Variants in CHD7 observed in about 807,000 individuals in gnomAD.
CHD7 encodes the protein chromodomain helicase DNA binding protein 7, also known as ATP-dependent chromatin remodeler CHD7.
In CHD7, 24 loss-of-function variants were observed where a neutral mutation model predicts 307.3. The observed-to-expected ratio is 0.08, with a 90% CI of 0.06 to 0.11. The LOEUF (loss-of-function observed/expected upper bound fraction) is 0.11, where lower values mean the gene tolerates loss of function less well. Ranked by LOEUF, CHD7 falls within the 10% of genes least tolerant of loss-of-function variation. The pLI, the probability that CHD7 is intolerant of heterozygous loss-of-function variation, is 1.00. For synonymous variants in CHD7, 1,363 were observed against 1,349.9 expected (o/e 1.01, Z -0.21); for missense variants, 3,106 against 3,727.1 (o/e 0.83, Z 4.34).
intron 2 of CHD7, among the ~76,000 whole-genome samples, chr8:60,755,670 T>C (rs1809856246): frequency 6.6e-6 from 1 of 152,182 alleles, no homozygotes; most frequent in Non-Finnish European, 1.5e-5. Flanking sequence ...ATGTATTTTA[T>C]TGAATTGTAA....
intron 15 of CHD7, among the ~76,000 whole-genome samples, chr8:60,834,279 T>C (rs1450607103): frequency 6.6e-6 from 1 of 152,222 alleles, no homozygotes; most frequent in African/African-American, 2.4e-5. Flanking sequence ...TTTAAATGGC[T>C]AAAATACTAT....
At chr8:60,849,853 A>G (rs779152420) in intron 25 of CHD7, among the ~76,000 whole-genome samples, 60 of 152,186 alleles carry the variant, frequency 3.9e-4, no homozygotes, top group Non-Finnish European at 7.8e-4. Context: ...TGTTCTGCCT[A>G]TGTACTGCAG....
intron 2 of CHD7, among the ~76,000 whole-genome samples, chr8:60,768,009 G>C (rs906571196): frequency 3.9e-5 from 6 of 152,170 alleles, no homozygotes; most frequent in Non-Finnish European, 8.8e-5. Flanking sequence ...TATGGGAAAA[G>C]TAAATTGTAT....
intron 1 of CHD7, among the ~76,000 whole-genome samples, chr8:60,714,634 C>T (rs1251137727): frequency 1.3e-5 from 2 of 152,192 alleles, no homozygotes; most frequent in African/African-American, 2.4e-5. Flanking sequence ...CTTTCTTGGC[C>T]TCAGGTGCTG....
rs529569041 is a variant in CHD7 at position 60,700,959 on chromosome 8, T to C, written c.-175+21877T>C. Among the ~76,000 whole-genome samples the C allele has an allele frequency of 1.6e-4, 25 of 152,294 alleles. No homozygotes were observed. In the East Asian group the frequency reaches 4.8e-3, roughly 29 times the overall value. On this transcript the variant is annotated intron_variant, in intron 1 of 37. Coordinates refer to ENST00000423902, the MANE Select transcript of CHD7 (RefSeq NM_017780.4). ...CTGCTCACAGAGCACAGGCTGCTCA[T>C]TTGAATTCTGTCTCAGGTTTTGAGC...
intron 1 of CHD7, among the ~76,000 whole-genome samples, chr8:60,717,033 C>CT (rs57809302): frequency 4.9e-4 from 66 of 134,968 alleles, no homozygotes; most frequent in African/African-American, 8.9e-4. Context: ...TACCTTAAGC[C>CT]TTTTTTTTTT....
At chr8:60,801,657 T>A in intron 6 of CHD7, 64 bp downstream of exon 6, 1 of 1,055,208 alleles carries the variant, frequency 9.5e-7, no homozygotes, top group Non-Finnish European at 1.4e-6. Context: ...ATTGTTGGCT[T>A]TGTAATTTTC....
At chr8:60,783,309 A>G (rs1245679107) in intron 3 of CHD7, among the ~76,000 whole-genome samples, 2 of 152,196 alleles carry the variant, frequency 1.3e-5, no homozygotes, top group Non-Finnish European at 2.9e-5. Context: ...AAATTTGTTA[A>G]AATTTTCCCA....
chr8:60,864,974 C>T (rs775002402), intron 37 of CHD7, 42 bp from the exon 38 acceptor site: 6 of 1,530,602 alleles, frequency 3.9e-6, no homozygotes, highest in Non-Finnish European at 5.3e-6. Context: ...AAGTTGTCTT[C>T]GACAGCCTTT....
intron 4 of CHD7, among the ~76,000 whole-genome samples, chr8:60,795,410 T>C (rs997412303): frequency 4.6e-5 from 7 of 152,208 alleles, no homozygotes. Flanking sequence ...TTTTGCTGTT[T>C]ATGTTATTAA....
Position 60,781,237 on chromosome 8 carries a change from G to C in CHD7, c.1903G>C (p.Asp635His). The change falls in exon 3 of 38, where the codon GAT becomes CAT. Residue 635 changes from aspartate to histidine, a missense_variant. Physicochemically the swap from Asp to His is moderately conservative, Grantham distance 81 (BLOSUM62 -1). Transcript: ENST00000423902. ...DNQELNRNSL[D>H]GSQEEKKKKK... ...CCAAGAACTAAATAGGAACTCACTG[G>C]ATGGGTCCCAAGAAGAAAAAAAGAA... is the stretch of plus-strand genomic sequence containing the variant. 1 of 1,584,778 alleles carries C rather than the reference G, an allele frequency of 6.3e-7. No individual in the cohort carries two copies. Among genetic ancestry groups the C allele is most frequent in the Non-Finnish European group, 8.6e-7 (1 of 1,165,096 alleles).
intron 1 of CHD7, among the ~76,000 whole-genome samples, chr8:60,694,137 C>A (rs1380529231): frequency 6.6e-6 from 1 of 152,216 alleles, no homozygotes; most frequent in Non-Finnish European, 1.5e-5. Context: ...CTCTAAAGAG[C>A]GAATGGCAAT....
chr8:60,742,898 A>C lies in CHD7; in HGVS notation c.1466A>C (p.Gln489Pro), dbSNP rs1809127222. The change falls in exon 2 of 38, where the codon CAA becomes CCA. Residue 489 changes from glutamine (Q) to proline (P), a missense_variant. Around this residue, in one of 10 missense-constraint regions of CHD7, gnomAD observed 998 missense variants for 1,004.5 expected, o/e 0.99. Transcript: ENST00000423902. ...GCPGVGLGDP[Q>P]AIQERLIPGQ... ...CCTGGTGTTGGCCTTGGAGACCCAC[A>C]AGCAATCCAGGAACGACTGATACCT... 1 of 1,612,478 alleles carries C rather than the reference A, an allele frequency of 6.2e-7. No homozygotes were observed. Among genetic ancestry groups the C allele is most frequent in the Admixed American group, 1.7e-5 (1 of 59,748 alleles).
intron 1 of CHD7, among the ~76,000 whole-genome samples, chr8:60,724,816 C>T (rs747720960): frequency 6.6e-6 from 1 of 152,022 alleles, no homozygotes; most frequent in Non-Finnish European, 1.5e-5. Context: ...TTAATAAAGG[C>T]CAATAAAAAC....
In CHD7 at chr8:60,761,570, A is replaced by C. The variant is rs139968410; in HGVS notation, c.1665+18473A>C. 3.3e-3 allele frequency among the ~76,000 whole-genome samples: 502 copies of C among 151,932 alleles called. 13 individuals carry two copies. The South Asian group carries it at 0.042, about 13-fold the overall frequency. On this transcript the variant is annotated intron_variant, in intron 2 of 37. Transcript: ENST00000423902. ...AGGGTACATGGGAACTCAAATTCAT[A>C]ATCAGACCATGTTTGGTGCGAATAG... is the stretch of plus-strand genomic sequence containing the variant.
chr8:60,852,007 C>G lies in CHD7; in HGVS notation c.5666-12C>G, dbSNP rs1805475202. The stretch of plus-strand genomic sequence containing the variant: ...AGCTACACATTTCAAAAATGTTTTT[C>G]CACTTCCCCAGGCAAGCACAGTGAG... On this transcript the variant is annotated splice_polypyrimidine_tract_variant and intron_variant, in intron 28 of 37. Coordinates refer to ENST00000423902, the MANE Select transcript of CHD7 (RefSeq NM_017780.4). The G allele has an allele frequency of 6.3e-7, 1 of 1,584,882 alleles. No homozygotes were observed.
chr8:60,709,849 A>T (rs1807196764), intron 1 of CHD7, among the ~76,000 whole-genome samples: 1 of 152,226 alleles, frequency 6.6e-6, no homozygotes, highest in African/African-American at 2.4e-5. Context: ...AATGCCATTT[A>T]AAGATAGCTA....
chr8:60,749,388 A>AAAT (rs1809514991), intron 2 of CHD7, among the ~76,000 whole-genome samples: 1 of 151,090 alleles, frequency 6.6e-6, no homozygotes, highest in East Asian at 1.9e-4. Context: ...AAAAAAAAAA[A>AAAT]AAAAAAGGAA....
rs920781202 is a variant in CHD7 at position 60,761,616 on chromosome 8, A to G, written c.1665+18519A>G. Among the ~76,000 whole-genome samples the G allele has an allele frequency of 9.2e-5, 14 of 151,730 alleles. No homozygotes were observed. In the South Asian group the frequency reaches 2.1e-3, roughly 23 times the overall value. ...AATAGAGTGGGGGCAAAGGGGGTTT[A>G]TGTTTCTGAGGTTTATCTAGGATGT... is the stretch of plus-strand genomic sequence containing the variant. On this transcript the variant is annotated intron_variant, in intron 2 of 37. Transcript: ENST00000423902.
Sources: allele counts gnomAD v4.1 joint callset (sites outside exome capture counted in the v4.1 genomes callset), GRCh38; gene constraint gnomAD v4.1.1; regional missense constraint gnomAD v4.1.1; transcripts MANE v1.5; gene names NCBI Gene and HGNC (gene_info 2026-07-23, HGNC 2026-07-21).